Variants in CSMD2 observed in about 807,000 individuals in gnomAD.
CSMD2 encodes the protein CUB and Sushi multiple domains 2.
Under a neutral mutation model 398.5 loss-of-function variants are expected in CSMD2, and 130 were observed. That is an observed-to-expected ratio of 0.33 (90% CI 0.28 to 0.38). The LOEUF is 0.38. Ranked by LOEUF, CSMD2 falls within the 10% of genes least tolerant of loss-of-function variation. The probability of loss-of-function intolerance (pLI) is 1.00; values close to 1 mark genes in which losing one functional copy is unlikely to be tolerated. For synonymous variants in CSMD2, 1,828 were observed against 1,908.5 expected, an observed-to-expected ratio of 0.96 and a Z score of 1.10; for missense variants, 3,829 against 4,764.9, an observed-to-expected ratio of 0.80 and a Z score of 5.78.
Position 33,514,131 on chromosome 1 carries a change from G to A in CSMD2, c.*2493C>T, listed in dbSNP as rs547730505. 3.3e-5 allele frequency: 5 copies of A among 152,596 alleles called. No individual in the cohort carries two copies. The South Asian group carries it at 6.2e-4, about 19-fold the overall frequency. 9.5% of individuals were successfully genotyped at this position (152,596 alleles called of 1,614,324 possible). ...ATATACAGAGACAGATAAATTAAATGTATATACTGCAGACAAGCCAAGAAG... is the reference window on the plus strand; with the variant it reads ...ATATACAGAGACAGATAAATTAAATATATATACTGCAGACAAGCCAAGAAG... On this transcript the variant is annotated 3_prime_UTR_variant, in exon 71 of 71. Transcript: ENST00000373381.
At chr1:33,758,314 C>T (rs1486613217) in intron 13 of CSMD2, among the ~76,000 whole-genome samples, 1 of 152,196 alleles carries the variant, frequency 6.6e-6, no homozygotes, top group African/African-American at 2.4e-5. Flanking sequence ...GCTCATTGCA[C>T]TCAGGGCCTC....
intron 9 of CSMD2, among the ~76,000 whole-genome samples, chr1:33,816,816 C>T (rs10489913): frequency 0.12 from 17,716 of 152,222 alleles, 1,886 homozygotes; most frequent in African/African-American, 0.29. Context: ...CTGATTCATT[C>T]AGGTGGTCCT....
At chr1:33,992,495 C>T (rs1401306371) in intron 3 of CSMD2, among the ~76,000 whole-genome samples, 3 of 151,474 alleles carry the variant, frequency 2.0e-5, no homozygotes, top group East Asian at 2.0e-4. Flanking sequence ...GGATTACAGG[C>T]GTGAGTCACT....
chr1:33,840,762 G>A (rs1660769756), intron 6 of CSMD2, among the ~76,000 whole-genome samples: 1 of 152,138 alleles, frequency 6.6e-6, no homozygotes, highest in Non-Finnish European at 1.5e-5. Context: ...GTGGACCCTG[G>A]GCTCCTGAGC....
rs183068628 is a variant in CSMD2, at chr1:34,071,829, C to G, written c.404+17148G>C. 4.8e-3 allele frequency among the ~76,000 whole-genome samples: 735 copies of G among 152,358 alleles called. 3 individuals carry two copies. The highest frequency in any genetic ancestry group is 7.9e-3 in the Non-Finnish European group (539 of 68,028). On this transcript the variant is annotated intron_variant, in intron 2 of 70. Coordinates refer to ENST00000373381, the MANE Select transcript of CSMD2 (RefSeq NM_001281956.2). ...CTGAAACAGCCAAGAGCAGTACCTA[C>G]GTAGAGTAGAAAGAATCCCAGAAGC...
At chr1:34,040,399 A>G (rs1051883747) in intron 2 of CSMD2, among the ~76,000 whole-genome samples, 1 of 152,118 alleles carries the variant, frequency 6.6e-6, no homozygotes, top group Non-Finnish European at 1.5e-5. Context: ...ACCTATCCTG[A>G]CTGACATCCC....
At position 33,546,212 on chromosome 1, in the gene CSMD2, G is replaced by A. The variant is rs767993981; in HGVS notation, c.8925C>T (p.Ser2975=). 7 of 1,613,228 alleles carry A rather than the reference G, an allele frequency of 4.3e-6. No individual in the cohort carries two copies. Among genetic ancestry groups the A allele is most frequent in the African/African-American group, 2.7e-5 (2 of 74,892 alleles). ...TCCCAGGGTCACCGCAAACTCCCAC[G>A]CTGGTTCCTATGGACCAGAACCACA... ...TGSLPHCSGT[S]VGVCGDPGIP... Residue 2975 remains serine (S), a synonymous_variant, in exon 57 of 71, where the codon AGC becomes AGT. Transcript: ENST00000373381.
intron 62 of CSMD2, among the ~76,000 whole-genome samples, chr1:33,535,583 G>A (rs2148573566): frequency 6.6e-6 from 1 of 152,238 alleles, no homozygotes; most frequent in Non-Finnish European, 1.5e-5. Context: ...AGTGCCTCTG[G>A]GATATGTTTG....
rs929516716 is a variant in CSMD2 at position 34,100,838 on chromosome 1, G to A, written c.188-11645C>T. On this transcript the variant is annotated intron_variant, in intron 1 of 70. Coordinates refer to ENST00000373381, the MANE Select transcript of CSMD2 (RefSeq NM_001281956.2). ...AATGCAGTGGAAAATGCCTTTCCAC[G>A]GCCAGAGTCCCAGAATAAATGTTCC... is the stretch of plus-strand genomic sequence containing the variant. 4.7e-4 allele frequency among the ~76,000 whole-genome samples: 71 copies of A among 152,114 alleles called. 1 individual carries two copies. The highest frequency in any genetic ancestry group is 1.5e-3 in the African/African-American group (63 of 41,410).
intron 26 of CSMD2, among the ~76,000 whole-genome samples, chr1:33,658,838 T>A (rs986299196): frequency 6.6e-6 from 1 of 152,174 alleles, no homozygotes; most frequent in African/African-American, 2.4e-5. Flanking sequence ...CACTCGAGTG[T>A]GGGTGACAGA....
chr1:33,972,776 G>A (rs1645819784), intron 3 of CSMD2, among the ~76,000 whole-genome samples: 1 of 152,172 alleles, frequency 6.6e-6, no homozygotes, highest in African/African-American at 2.4e-5. Context: ...GAATAAATCT[G>A]TGCTGTCTTA....
At chr1:33,704,702 G>C (rs1351747045) in intron 22 of CSMD2, among the ~76,000 whole-genome samples, 2 of 152,202 alleles carry the variant, frequency 1.3e-5, no homozygotes, top group Non-Finnish European at 2.9e-5. Context: ...AACATTATGA[G>C]CTTTTCTAAT....
intron 5 of CSMD2, among the ~76,000 whole-genome samples, chr1:33,866,568 T>C (rs1322569866): frequency 2.0e-5 from 3 of 152,250 alleles, no homozygotes; most frequent in East Asian, 1.9e-4. Flanking sequence ...TTCTGCTTCA[T>C]TGAGAAAATA....
chr1:34,065,051 G>T (rs764648526), intron 2 of CSMD2, among the ~76,000 whole-genome samples: 6 of 152,140 alleles, frequency 3.9e-5, no homozygotes, highest in Non-Finnish European at 8.8e-5. Flanking sequence ...GGAATTATGG[G>T]AGTATAATTC....
At chr1:33,546,960 C>A (rs1026945747) in intron 56 of CSMD2, among the ~76,000 whole-genome samples, 27 of 152,008 alleles carry the variant, frequency 1.8e-4, no homozygotes, top group Admixed American at 1.5e-3. Context: ...TGTTTTGATG[C>A]ATGTATTGTA....
intron 24 of CSMD2, among the ~76,000 whole-genome samples, chr1:33,695,929 A>G (rs966620328): frequency 3.9e-5 from 6 of 152,208 alleles, no homozygotes; most frequent in Admixed American, 1.3e-4. Context: ...TTGTGTCTGC[A>G]TTACAATGTG....
chr1:33,635,268 T>G lies in CSMD2; in HGVS notation c.5032A>C (p.Asn1678His), dbSNP rs781572588. Residue 1678 changes from asparagine to histidine, a missense_variant, in exon 31 of 71, where the codon AAC becomes CAC. Around this residue, in one of 5 missense-constraint regions of CSMD2, gnomAD observed 2,001 missense variants for 2,567.1 expected, o/e 0.78. Transcript: ENST00000373381. The surrounding 1 kb of genome is among the most constrained non-coding windows in gnomAD (Gnocchi z 5.0). ...GVVLSPNYPQNYTSGQICLYF... is the reference protein window; with the variant it reads ...GVVLSPNYPQHYTSGQICLYF... ...AAGCAGATCTGTCCACTGGTGTAGTTCTGGGGGTAGTTGGGGGACAAGACC... is the reference window on the plus strand; with the variant it reads ...AAGCAGATCTGTCCACTGGTGTAGTGCTGGGGGTAGTTGGGGGACAAGACC... The G allele has an allele frequency of 1.2e-6, 2 of 1,613,640 alleles. No individual in the cohort carries two copies. Among genetic ancestry groups the G allele is most frequent in the South Asian group, 1.1e-5 (1 of 91,074 alleles).
chr1:34,129,677 T>C lies in CSMD2; in HGVS notation c.187+35234A>G, dbSNP rs912840738. 4.3e-4 allele frequency among the ~76,000 whole-genome samples: 66 copies of C among 152,046 alleles called. 3 individuals are homozygous for C. Among genetic ancestry groups the C allele is most frequent in the Non-Finnish European group, 5.9e-5 (4 of 67,972 alleles). ...AAAAAAATAAATAAATAAAATAAAA[T>C]AAAATAGCCCACGATAGCTGGGATT... On this transcript the variant is annotated intron_variant, in intron 1 of 70. Transcript: ENST00000373381.
At chr1:34,063,300 C>T (rs185798598) in intron 2 of CSMD2, among the ~76,000 whole-genome samples, 3 of 152,192 alleles carry the variant, frequency 2.0e-5, no homozygotes, top group African/African-American at 4.8e-5. Context: ...AGCATTAACA[C>T]GAAAGTCCAC....
Sources: gnomAD v4.1 joint callset for allele counts (sites outside exome capture counted in the v4.1 genomes callset) on GRCh38, gnomAD v4.1.1 for gene constraint, gnomAD v4.1.1 regional missense constraint, Gnocchi (gnomAD v3.1) non-coding constraint, MANE v1.5 for transcripts, NCBI Gene and HGNC (gene_info 2026-07-23, HGNC 2026-07-21) for gene names.